Variants in ACTR3 observed in about 807,000 individuals in gnomAD.
ACTR3 encodes actin related protein 3.
A neutral mutation model predicts 56.8 loss-of-function variants in ACTR3; 12 were observed. That is an observed-to-expected ratio of 0.21 (90% CI 0.14 to 0.34). The LOEUF (loss-of-function observed/expected upper bound fraction) is 0.34. Among genes scored for constraint, ACTR3 ranks in the 10% least tolerant of loss-of-function variants. ACTR3 has a pLI of 1.00. For synonymous variants in ACTR3, 162 were observed against 167.4 expected (o/e 0.97, Z 0.25); for missense variants, 282 against 512.5 (o/e 0.55, Z 4.34).
intron 8 of ACTR3, among the ~76,000 whole-genome samples, chr2:113,944,761 C>A (rs1463788658): frequency 6.6e-6 from 1 of 151,462 alleles, no homozygotes; most frequent in Non-Finnish European, 1.5e-5. Flanking sequence ...GACTTCATTT[C>A]AAAAAAAATT....
At chr2:113,891,769 C>A (rs774543282) in intron 1 of ACTR3, among the ~76,000 whole-genome samples, 29 of 152,022 alleles carry the variant, frequency 1.9e-4, no homozygotes, top group South Asian at 4.1e-4. Flanking sequence ...AGAGAGAAAC[C>A]ACCAACTTCT....
intron 1 of ACTR3, chr2:113,890,645 G>C (rs1338452699): frequency 1.6e-6 from 2 of 1,253,140 alleles, no homozygotes; most frequent in Non-Finnish European, 2.0e-6. Flanking sequence ...CGGTCGTCTT[G>C]GGGGTGGTCC....
At chr2:113,923,350 G>GTTTGTTTT (rs1553494515) in intron 3 of ACTR3, among the ~76,000 whole-genome samples, 5 of 56,850 alleles carry the variant, frequency 8.8e-5, no homozygotes, top group African/African-American at 2.0e-4. Context: ...TTGTTTGTTT[G>GTTTGTTTT]TTTTTGAGAC....
chr2:113,928,468 A>G (rs1187809161), intron 4 of ACTR3, among the ~76,000 whole-genome samples: 3 of 152,188 alleles, frequency 2.0e-5, no homozygotes, highest in Non-Finnish European at 2.9e-5. Flanking sequence ...TAAAATTTAC[A>G]TATCATAAAA....
chr2:113,954,863 C>T (rs1368661007), intron 10 of ACTR3: 11 of 151,948 alleles, frequency 7.2e-5, no homozygotes, highest in Admixed American at 6.6e-4. Context: ...TGAGTCTAGG[C>T]CTTCTCAGTG....
chr2:113,938,699 C>G (rs1177266380), intron 6 of ACTR3, among the ~76,000 whole-genome samples: 1 of 152,140 alleles, frequency 6.6e-6, no homozygotes, highest in African/African-American at 2.4e-5. Context: ...TTTCTCTCAC[C>G]TTGATGGTTT....
chr2:113,904,835 T>A lies in ACTR3; in HGVS notation c.45-8337T>A, dbSNP rs139903690. ...GAGTCTCTTTTCATTTAATAACCAT[T>A]TCTGTTGTTCTGGGAATGGTTAGTG... On this transcript the variant is annotated intron_variant, in intron 1 of 11. Coordinates refer to ENST00000263238, the MANE Select transcript of ACTR3 (RefSeq NM_005721.5). 3 of 152,332 alleles carry A rather than the reference T, an allele frequency of 2.0e-5. No individual in the cohort carries two copies. In the East Asian group the frequency reaches 5.8e-4, roughly 29 times the overall value. The allele number at this position is 152,332 out of a possible 1,614,324, so 9.4% of individuals were successfully genotyped here.
intron 3 of ACTR3, among the ~76,000 whole-genome samples, chr2:113,923,333 TG>T (rs1348237413): frequency 1.3e-5 from 2 of 151,372 alleles, no homozygotes; most frequent in Non-Finnish European, 2.9e-5. Flanking sequence ...TTTGTTTGTT[TG>T]TTTGTTTGTT....
chr2:113,910,196 G>T (rs1010207437), intron 1 of ACTR3, among the ~76,000 whole-genome samples: 1 of 152,020 alleles, frequency 6.6e-6, no homozygotes, highest in Non-Finnish European at 1.5e-5. Flanking sequence ...GATCACCAGT[G>T]GCCAATGGTT....
At chr2:113,950,656 A>G (rs1680104552) in intron 8 of ACTR3, among the ~76,000 whole-genome samples, 1 of 152,208 alleles carries the variant, frequency 6.6e-6, no homozygotes, top group African/African-American at 2.4e-5. Flanking sequence ...TCTTAGAAAC[A>G]AGGCTATAGT....
intron 3 of ACTR3, among the ~76,000 whole-genome samples, chr2:113,922,544 C>T (rs1350160356): frequency 2.6e-5 from 4 of 152,196 alleles, no homozygotes; most frequent in South Asian, 2.1e-4. Flanking sequence ...CATTGACACT[C>T]GTCATTGTGA....
intron 3 of ACTR3, among the ~76,000 whole-genome samples, chr2:113,919,096 A>G (rs1053328526): frequency 1.3e-5 from 2 of 152,192 alleles, no homozygotes; most frequent in Non-Finnish European, 2.9e-5. Context: ...TCCACCCTCA[A>G]CCTGCAATTA....
At chr2:113,924,106 A>G (rs1181399190) in intron 3 of ACTR3, among the ~76,000 whole-genome samples, 1 of 148,662 alleles carries the variant, frequency 6.7e-6, no homozygotes, top group Non-Finnish European at 1.5e-5. Context: ...CCATGTTGGA[A>G]TGCAGTGGTG....
chr2:113,929,623 C>G (rs1003594374), intron 4 of ACTR3, among the ~76,000 whole-genome samples: 1 of 151,994 alleles, frequency 6.6e-6, no homozygotes, highest in Admixed American at 6.6e-5. Flanking sequence ...TTTTTGCACA[C>G]CCCCCAGTGA....
At chr2:113,898,814 A>G (rs1027735660) in intron 1 of ACTR3, among the ~76,000 whole-genome samples, 3 of 152,188 alleles carry the variant, frequency 2.0e-5, no homozygotes, top group Non-Finnish European at 2.9e-5. Flanking sequence ...AGCCATTTCA[A>G]GGCCCTTTGC....
In ACTR3 at chr2:113,942,428, G is replaced by T. The variant is rs1260516497; in HGVS notation, c.858+69G>T. 2.0e-5 allele frequency: 22 copies of T among 1,088,962 alleles called. No homozygotes were observed. In the East Asian group the frequency reaches 5.7e-4, roughly 28 times the overall value. 67.5% of individuals were successfully genotyped at this position (1,088,962 alleles called of 1,614,324 possible). On this transcript the variant is annotated intron_variant, in intron 8 of 11. Transcript: ENST00000263238. The stretch of plus-strand genomic sequence containing the variant: ...ATATGAATTAATAGATATTCAGAGA[G>T]AATTAATCTCAGAAACTTTTATTAG...
chr2:113,890,433 G>A, intron 1 of ACTR3, 110 bp downstream of exon 1: 1 of 1,347,922 alleles, frequency 7.4e-7, no homozygotes, highest in Non-Finnish European at 1.0e-6. Flanking sequence ...GCCGCCGGCT[G>A]TCAGTCCTAG....
chr2:113,902,456 A>C (rs149204790), intron 1 of ACTR3, among the ~76,000 whole-genome samples: 1 of 152,080 alleles, frequency 6.6e-6, no homozygotes, highest in Non-Finnish European at 1.5e-5. Flanking sequence ...AGAGTACAAT[A>C]GCAAGTTGTT....
chr2:113,938,908 A>G (rs554182023), intron 6 of ACTR3, among the ~76,000 whole-genome samples: 1 of 152,292 alleles, frequency 6.6e-6, no homozygotes, highest in South Asian at 2.1e-4. Context: ...GTTGTGGCCT[A>G]GTAACTCTCC....
Sources: gnomAD v4.1 joint callset for allele counts (sites outside exome capture counted in the v4.1 genomes callset) on GRCh38, gnomAD v4.1.1 for gene constraint, MANE v1.5 for transcripts, NCBI Gene and HGNC (gene_info 2026-07-23, HGNC 2026-07-21) for gene names.